The following ARHGEF4 variants were observed in gnomAD, a reference collection of about 807,000 sequenced individuals.
ARHGEF4 encodes the protein APC-stimulated guanine nucleotide exchange factor 1.
ARHGEF4 carries 119 observed loss-of-function variants against 162.0 expected under a neutral mutation model. That is an observed-to-expected ratio of 0.73 (90% CI 0.63 to 0.86). ARHGEF4 has a LOEUF of 0.86. Ranked by LOEUF, ARHGEF4 falls within the 40% of genes least tolerant of loss-of-function variation. The pLI is 0.00. For synonymous variants in ARHGEF4, 1,014 were observed against 979.9 expected, an observed-to-expected ratio of 1.03 and a Z score of -0.65; for missense variants, 2,488 against 2,456.0, an observed-to-expected ratio of 1.01 and a Z score of -0.28.
chr2:130,917,592 T>C, intron 2 of ARHGEF4, 94 bp downstream of exon 2: 1 of 1,442,016 alleles, frequency 6.9e-7, no homozygotes, highest in Non-Finnish European at 9.1e-7. Context: ...AGAGGTAAAA[T>C]AGGAAGGCCA....
chr2:130,992,862 T>C (rs1285882195), intron 4 of ARHGEF4, among the ~76,000 whole-genome samples: 1 of 152,196 alleles, frequency 6.6e-6, no homozygotes, highest in Admixed American at 6.5e-5. Flanking sequence ...GGTGGGTAGA[T>C]AACATGAGGC....
At chr2:131,010,527 G>A (rs1362267354) in intron 4 of ARHGEF4, among the ~76,000 whole-genome samples, 1 of 152,168 alleles carries the variant, frequency 6.6e-6, no homozygotes, top group Non-Finnish European at 1.5e-5. Context: ...TACATTCTCT[G>A]ACGTGAAATT....
At chr2:131,016,457 A>C (rs1444417663) in intron 4 of ARHGEF4, among the ~76,000 whole-genome samples, 1 of 152,128 alleles carries the variant, frequency 6.6e-6, no homozygotes, top group Non-Finnish European at 1.5e-5. Flanking sequence ...GGCCGCCTGC[A>C]CCCTGCCCAG....
chr2:130,946,502 C>T lies in ARHGEF4; in HGVS notation c.3859-7C>T. 1 of 1,607,004 alleles carries T rather than the reference C, an allele frequency of 6.2e-7. No homozygotes were observed. The highest frequency in any genetic ancestry group is 8.5e-7 in the Non-Finnish European group (1 of 1,176,028). On this transcript the variant is annotated splice_region_variant and splice_polypyrimidine_tract_variant and intron_variant, in intron 3 of 13. Coordinates refer to ENST00000409359, the MANE Select transcript of ARHGEF4 (RefSeq NM_001367493.1). ...ATTTGCCCTCTGTCTCTTTCCTCCTCTTCCAGTGCTGGAGAAAGACGATCA... is the reference window on the plus strand; with the variant it reads ...ATTTGCCCTCTGTCTCTTTCCTCCTTTTCCAGTGCTGGAGAAAGACGATCA...
Position 131,011,762 on chromosome 2 carries a change from C to T in ARHGEF4, c.3986-16183C>T, listed in dbSNP as rs778031346. Reference sequence around the variant, plus strand: ...AGTTTTGACTGTCACTCTGAAGCAGCTCTCAGGCAGAGGAATGATGTGATT... The same window carrying T: ...AGTTTTGACTGTCACTCTGAAGCAGTTCTCAGGCAGAGGAATGATGTGATT... On this transcript the variant is annotated intron_variant, in intron 4 of 13. Transcript: ENST00000409359. 3.0e-6 allele frequency: 3 copies of T among 983,932 alleles called. No individual in the cohort carries two copies. In the South Asian group the frequency reaches 4.1e-5, roughly 13 times the overall value. The allele number at this position is 983,932 out of a possible 1,614,324, so 61.0% of individuals were successfully genotyped here.
chr2:130,848,027 G>A (rs1405813233), intron 1 of ARHGEF4, among the ~76,000 whole-genome samples: 2 of 152,240 alleles, frequency 1.3e-5, no homozygotes, highest in African/African-American at 2.4e-5. Context: ...CGTGGTTGCA[G>A]GGGCTCTTCC....
chr2:130,958,241 G>A (rs1684411992), intron 4 of ARHGEF4, among the ~76,000 whole-genome samples: 1 of 152,064 alleles, frequency 6.6e-6, no homozygotes, highest in African/African-American at 2.4e-5. Context: ...GGAGCCCTGT[G>A]TTTTTGGCTG....
In ARHGEF4 at chr2:130,926,044, CTTTCTCTT is replaced by C. The variant is rs1319545961; in HGVS notation, c.3553-4906_3553-4899del. On this transcript the variant is annotated intron_variant, in intron 2 of 13. Transcript: ENST00000409359. Reference sequence around the variant, plus strand: ...TCTTTCTTTCTTTCTTTCTTTCTTTCTTTCTCTTTCTTTCTTTCTTTCTTTCTTTCTTT... The same window carrying C: ...TCTTTCTTTCTTTCTTTCTTTCTTTCTCTTTCTTTCTTTCTTTCTTTCTTT... Among the ~76,000 whole-genome samples the C allele has an allele frequency of 3.1e-3, 340 of 110,072 alleles. 1 individual carries two copies. The highest frequency in any genetic ancestry group is 0.014 in the African/African-American group (259 of 18,840). 72.2% of individuals were successfully genotyped at this position (110,072 alleles called of 152,430 possible).
intron 4 of ARHGEF4, among the ~76,000 whole-genome samples, chr2:130,968,878 A>G (rs1685172022): frequency 6.6e-6 from 1 of 152,180 alleles, no homozygotes; most frequent in Non-Finnish European, 1.5e-5. Context: ...AGACTGCGCC[A>G]CTGCACTCCA....
chr2:130,873,764 C>G (rs1309771141), intron 1 of ARHGEF4, among the ~76,000 whole-genome samples: 1 of 151,860 alleles, frequency 6.6e-6, no homozygotes, highest in Admixed American at 6.6e-5. Flanking sequence ...GTGATGAACA[C>G]TTTGGAGGGG....
At chr2:131,008,615 T>C (rs1688270850) in intron 4 of ARHGEF4, among the ~76,000 whole-genome samples, 1 of 152,164 alleles carries the variant, frequency 6.6e-6, no homozygotes, top group Non-Finnish European at 1.5e-5. Context: ...TCTCCTTTTC[T>C]GTTTTGTTTT....
intron 4 of ARHGEF4, among the ~76,000 whole-genome samples, chr2:131,018,695 C>T (rs904246514): frequency 6.6e-6 from 1 of 152,034 alleles, no homozygotes; most frequent in African/African-American, 2.4e-5. Context: ...TAAAGCTTTC[C>T]CCTGTTTTCT....
At chr2:131,039,613 A>G in intron 6 of ARHGEF4, 1 of 1,057,284 alleles carries the variant, frequency 9.5e-7, no homozygotes. Context: ...CCCCTGGGAA[A>G]CTGTCCACTC....
At chr2:130,864,380 C>T (rs1328731642) in intron 1 of ARHGEF4, among the ~76,000 whole-genome samples, 1 of 152,096 alleles carries the variant, frequency 6.6e-6, no homozygotes, top group East Asian at 1.9e-4. Flanking sequence ...TTGCCTGGGG[C>T]TGGAGTGAGG....
At chr2:130,849,686 A>G (rs922551059) in intron 1 of ARHGEF4, among the ~76,000 whole-genome samples, 9 of 151,560 alleles carry the variant, frequency 5.9e-5, no homozygotes, top group Admixed American at 5.3e-4. Flanking sequence ...TCCTGCCTCA[A>G]TCTCCTGAGT....
chr2:130,916,340 C>G lies in ARHGEF4; in HGVS notation c.2394C>G (p.Thr798=). The change falls in exon 2 of 14, where the codon ACC becomes ACG. Residue 798 remains threonine (T), a synonymous_variant. Transcript: ENST00000409359. The part of the protein sequence containing the change: ...PGKRPTFSKV[T]SFRKGRPLAT... Reference sequence around the variant, plus strand: ...AGCGCCCGACGTTTTCCAAGGTGACCTCCTTCAGGAAGGGCAGGCCCTTGG... The same window carrying G: ...AGCGCCCGACGTTTTCCAAGGTGACGTCCTTCAGGAAGGGCAGGCCCTTGG... The G allele has an allele frequency of 6.5e-7, 1 of 1,543,174 alleles. No individual in the cohort carries two copies. The highest frequency in any genetic ancestry group is 2.5e-5 in the East Asian group (1 of 40,522).
intron 7 of ARHGEF4, 31 bp downstream of exon 7, chr2:131,040,223 G>A (rs1690684286): frequency 1.2e-6 from 2 of 1,609,300 alleles, no homozygotes; most frequent in Non-Finnish European, 1.7e-6. Context: ...GGTGACTGGG[G>A]ACCCGGTCGG....
At chr2:130,939,212 A>G (rs1233639619) in intron 3 of ARHGEF4, among the ~76,000 whole-genome samples, 2 of 152,238 alleles carry the variant, frequency 1.3e-5, no homozygotes, top group African/African-American at 2.4e-5. Context: ...AGTTGCAACC[A>G]TGTTGCTGCA....
chr2:130,847,040 C>T (rs1322971866), intron 1 of ARHGEF4, among the ~76,000 whole-genome samples: 2 of 152,102 alleles, frequency 1.3e-5, no homozygotes, highest in African/African-American at 4.8e-5. Context: ...TAGGGAAAGC[C>T]TGGGTGTAAT....
Sources: allele counts gnomAD v4.1 joint callset (sites outside exome capture counted in the v4.1 genomes callset), GRCh38; gene constraint gnomAD v4.1.1; transcripts MANE v1.5; gene names NCBI Gene and HGNC (gene_info 2026-07-23, HGNC 2026-07-21).